The following UFL1 variants were observed in gnomAD, a reference collection of about 807,000 sequenced individuals.
The protein encoded by UFL1 is UFM1 specific ligase 1.
UFL1 carries 78 observed loss-of-function variants against 99.3 expected under a neutral mutation model. The ratio of observed to expected loss-of-function variants is 0.79; its 90% confidence interval spans 0.65 to 0.95. UFL1 has a LOEUF of 0.95. Among genes scored for constraint, UFL1 ranks in the 40% least tolerant of loss-of-function variants. The probability of loss-of-function intolerance (pLI) is 0.00; values close to 1 mark genes in which losing one functional copy is unlikely to be tolerated. For synonymous variants in UFL1, 335 were observed against 322.2 expected, an observed-to-expected ratio of 1.04 and a Z score of -0.42; for missense variants, 936 against 937.0, an observed-to-expected ratio of 1.00 and a Z score of 0.01.
In UFL1 at chr6:96,523,243, C is replaced by G. The variant is rs776209390; in HGVS notation, c.175C>G (p.Pro59Ala). The change falls in exon 2 of 19, where the codon CCA (proline) becomes GCA (alanine). Residue 59 changes from proline (P) to alanine (A), a missense_variant. Physicochemically the swap from Pro to Ala is conservative, Grantham distance 27. Coordinates refer to ENST00000369278, the MANE Select transcript of UFL1 (RefSeq NM_015323.5). ...HTLDGKEYIT[P>A]AQISKEMRDE... Reference sequence around the variant, plus strand: ...ACTCGATGGAAAGGAATATATTACTCCAGCCCAAATTAGTAAAGAAATGAG... The same window carrying G: ...ACTCGATGGAAAGGAATATATTACTGCAGCCCAAATTAGTAAAGAAATGAG... The G allele has an allele frequency of 6.2e-7, 1 of 1,611,850 alleles. No individual in the cohort carries two copies. The highest frequency in any genetic ancestry group is 8.5e-7 in the Non-Finnish European group (1 of 1,179,048).
chr6:96,523,461 A>G (rs915055806), intron 2 of UFL1, among the ~76,000 whole-genome samples, 170 bp downstream of exon 2: 1 of 152,172 alleles, frequency 6.6e-6, no homozygotes, highest in African/African-American at 2.4e-5. Context: ...TCATGCAAAC[A>G]TGGTCATATA....
At position 96,554,738 on chromosome 6, in the gene UFL1, A is replaced by C. The variant is rs1770131579; in HGVS notation, c.*1235A>C. On this transcript the variant is annotated 3_prime_UTR_variant, in exon 19 of 19. Coordinates refer to ENST00000369278, the MANE Select transcript of UFL1 (RefSeq NM_015323.5). ...CAAAGTATTAATCCTTAGTGAAAGT[A>C]ATTAATTAAATTGCCAACTTGGCAT... 6.6e-6 allele frequency: 1 copy of C among 152,592 alleles called. No homozygotes were observed. Among genetic ancestry groups the C allele is most frequent in the Non-Finnish European group, 1.5e-5 (1 of 68,004 alleles). The allele number at this position is 152,592 out of a possible 1,614,324, so 9.5% of individuals were successfully genotyped here.
At chr6:96,530,324 C>A in intron 6 of UFL1, among the ~76,000 whole-genome samples, 1 of 152,150 alleles carries the variant, frequency 6.6e-6, no homozygotes, top group East Asian at 1.9e-4. Context: ...TTTTCATATT[C>A]AGGTTATGTG....
At chr6:96,534,563 AAT>A (rs1387759229) in intron 7 of UFL1, among the ~76,000 whole-genome samples, 3 of 151,850 alleles carry the variant, frequency 2.0e-5, no homozygotes, top group African/African-American at 4.8e-5. Context: ...TTATAATGAA[AAT>A]ATATGTCTCA....
In UFL1 at chr6:96,552,543, G is replaced by C. The variant is rs751367115; in HGVS notation, c.2047G>C (p.Ala683Pro). The C allele has an allele frequency of 2.5e-6, 4 of 1,612,088 alleles. No homozygotes were observed. Among genetic ancestry groups the C allele is most frequent in the Non-Finnish European group, 3.4e-6 (4 of 1,179,380 alleles). Reference protein sequence around the residue: ...AEQLKVTEDPALILHLTSVLL... With the variant: ...AEQLKVTEDPPLILHLTSVLL... ...ACAGCTAAAGGTCACAGAAGACCCT[G>C]CTCTTATTCTGCACCTCACATCAGT... is the stretch of plus-strand genomic sequence containing the variant. Residue 683 changes from alanine to proline, a missense_variant, in exon 18 of 19, where the codon GCT becomes CCT. Ala to Pro is a conservative substitution (Grantham distance 27, BLOSUM62 -1). Coordinates refer to ENST00000369278, the MANE Select transcript of UFL1 (RefSeq NM_015323.5).
intron 4 of UFL1, 110 bp downstream of exon 4, chr6:96,525,504 T>C (rs1032880243): frequency 3.5e-5 from 28 of 794,248 alleles, no homozygotes; most frequent in East Asian, 2.6e-4. Context: ...CATTTATAAC[T>C]CTTACAGTGT....
Position 96,543,006 on chromosome 6 carries a change from A to G in UFL1, c.1392A>G (p.Ser464=), listed in dbSNP as rs753812009. 6.3e-7 allele frequency: 1 copy of G among 1,593,316 alleles called. No individual in the cohort carries two copies. Among genetic ancestry groups the G allele is most frequent in the South Asian group, 1.1e-5 (1 of 87,636 alleles). ...ATGATAGTGATGATGAATCTCAATC[A>G]TCCCACACTGGTAGGTAGCTTTTCT... is the stretch of plus-strand genomic sequence containing the variant. ...KDDDSDDESQ[S]SHTGKKKPEI... The change falls in exon 12 of 19, where the codon TCA becomes TCG. Residue 464 remains serine, a synonymous_variant. Coordinates refer to ENST00000369278, the MANE Select transcript of UFL1 (RefSeq NM_015323.5).
chr6:96,552,542 T>C lies in UFL1; in HGVS notation c.2046T>C (p.Pro682=). The change falls in exon 18 of 19, where the codon CCT becomes CCC. Residue 682 remains proline (P), a synonymous_variant. Transcript: ENST00000369278. ...AACAGCTAAAGGTCACAGAAGACCC[T>C]GCTCTTATTCTGCACCTCACATCAG... ...LAEQLKVTED[P]ALILHLTSVL... is the part of the protein sequence containing the mutation. The C allele has an allele frequency of 1.2e-6, 2 of 1,612,694 alleles. No homozygotes were observed. Among genetic ancestry groups the C allele is most frequent in the Non-Finnish European group, 1.7e-6 (2 of 1,179,494 alleles).
chr6:96,548,087 T>A, intron 12 of UFL1, 77 bp from the exon 13 acceptor site: 3 of 875,290 alleles, frequency 3.4e-6, no homozygotes, highest in South Asian at 1.7e-5. Context: ...CTAAATATAG[T>A]AATGGAGCCC....
Position 96,525,933 on chromosome 6 carries a change from A to C in UFL1, c.351-388A>C, listed in dbSNP as rs528415258. ...TTCACTAATTAAGTTTGCTAATTAA[A>C]AAATTAGCCAAATGTGGTGGCTCGC... On this transcript the variant is annotated intron_variant, in intron 4 of 18. Transcript: ENST00000369278. 5.6e-4 allele frequency among the ~76,000 whole-genome samples: 85 copies of C among 151,932 alleles called. 1 individual carries two copies. The South Asian group carries it at 0.016, about 29-fold the overall frequency.
rs763788123 is a variant in UFL1 at position 96,521,870 on chromosome 6, C to A, written c.-4C>A. The A allele has an allele frequency of 1.9e-6, 3 of 1,611,320 alleles. No homozygotes were observed. The highest frequency in any genetic ancestry group is 2.5e-6 in the Non-Finnish European group (3 of 1,179,228). ...CCTCCGCGTCTACTGCGAGTCAGGC[C>A]GTGATGGCGGACGCCTGGGAAGAGA... On this transcript the variant is annotated 5_prime_UTR_variant, in exon 1 of 19. Coordinates refer to ENST00000369278, the MANE Select transcript of UFL1 (RefSeq NM_015323.5).
chr6:96,535,442 C>T (rs532081247), intron 7 of UFL1, among the ~76,000 whole-genome samples: 12 of 151,956 alleles, frequency 7.9e-5, no homozygotes, highest in Middle Eastern at 3.4e-3. Flanking sequence ...CAGCACCTTC[C>T]GCTTCGTGGT....
rs142021059 is a variant in UFL1 at position 96,542,950 on chromosome 6, A to G, written c.1336A>G (p.Lys446Glu). 5.0e-6 allele frequency: 8 copies of G among 1,603,138 alleles called. No homozygotes were observed. The highest frequency in any genetic ancestry group is 6.8e-6 in the Non-Finnish European group (8 of 1,173,910). ...GGGCAATGCCAGAGAGTACAAAATT[A>G]AAAAAGTCAAGAAGAAAGGAAGAAA... ...GGGNAREYKI[K>E]KVKKKGRKDD... The change falls in exon 12 of 19, where the codon AAA becomes GAA. Residue 446 changes from lysine (K) to glutamate (E), a missense_variant. By Grantham distance (56) the Lys-to-Glu change is moderately conservative (BLOSUM62 1). Transcript: ENST00000369278.
intron 3 of UFL1, among the ~76,000 whole-genome samples, chr6:96,524,819 T>A (rs1418146950): frequency 6.6e-6 from 1 of 152,176 alleles, no homozygotes; most frequent in Non-Finnish European, 1.5e-5. Flanking sequence ...TAGAAGCTAT[T>A]TTCAAAATAT....
At chr6:96,524,542 G>A (rs904833934) in intron 3 of UFL1, 132 bp downstream of exon 3, 39 of 562,100 alleles carry the variant, frequency 6.9e-5, no homozygotes, top group Non-Finnish European at 1.1e-4. Flanking sequence ...TATAAGCCTC[G>A]CTGATACACT....
At chr6:96,530,657 G>A (rs1010636315) in intron 6 of UFL1, among the ~76,000 whole-genome samples, 7 of 152,118 alleles carry the variant, frequency 4.6e-5, no homozygotes, top group African/African-American at 1.7e-4. Flanking sequence ...AGCGCCTGCA[G>A]GTTGCCTTTT....
Position 96,522,522 on chromosome 6 carries a change from T to C in UFL1, c.77+572T>C, listed in dbSNP as rs535386262. On this transcript the variant is annotated intron_variant, in intron 1 of 18. Coordinates refer to ENST00000369278, the MANE Select transcript of UFL1 (RefSeq NM_015323.5). ...GTGTCCAGAGGAGCCTAACTCTGCT[T>C]TTTAAAAATAACGCTAATAGAAGCC... Among the ~76,000 whole-genome samples, 162 of 152,300 alleles carry C rather than the reference T, an allele frequency of 1.1e-3. 1 individual carries two copies. Among genetic ancestry groups the C allele is most frequent in the African/African-American group, 3.8e-3 (158 of 41,572 alleles).
intron 6 of UFL1, 134 bp downstream of exon 6, chr6:96,528,766 G>T: frequency 8.6e-7 from 1 of 1,159,130 alleles, no homozygotes; most frequent in Non-Finnish European, 1.2e-6. Context: ...ACAGATAAAA[G>T]GGCAGCTTTT....
Position 96,521,910 on chromosome 6 carries a change from G to A in UFL1, c.37G>A (p.Ala13Thr), listed in dbSNP as rs1342720813. The A allele has an allele frequency of 1.9e-6, 3 of 1,612,304 alleles. No homozygotes were observed. The highest frequency in any genetic ancestry group is 4.5e-5 in the East Asian group (2 of 44,846). Residue 13 changes from alanine (A) to threonine (T), a missense_variant, in exon 1 of 19, where the codon GCC (alanine) becomes ACC (threonine). Physicochemically the swap from Ala to Thr is moderately conservative, Grantham distance 58. Coordinates refer to ENST00000369278, the MANE Select transcript of UFL1 (RefSeq NM_015323.5). Reference sequence around the variant, plus strand: ...CTGGGAAGAGATTAGGCGGTTGGCGGCCGACTTCCAGCGGGCGCAGTTCGC... The same window carrying A: ...CTGGGAAGAGATTAGGCGGTTGGCGACCGACTTCCAGCGGGCGCAGTTCGC... The part of the protein sequence containing the change: ...DAWEEIRRLA[A>T]DFQRAQFAEA...
Sources: gnomAD v4.1 joint callset for allele counts (sites outside exome capture counted in the v4.1 genomes callset) on GRCh38, gnomAD v4.1.1 for gene constraint, MANE v1.5 for transcripts, NCBI Gene and HGNC (gene_info 2026-07-23, HGNC 2026-07-21) for gene names.